Variants in GALNT16 observed in about 807,000 individuals in gnomAD.
GALNT16 encodes the protein UDP-GalNAc:polypeptide N-acetylgalactosaminyltransferase-like protein 1.
A neutral mutation model predicts 76.1 loss-of-function variants in GALNT16; 40 were observed. The observed-to-expected ratio is 0.53, with a 90% CI of 0.41 to 0.68. The LOEUF (loss-of-function observed/expected upper bound fraction) is 0.68, where lower values mean the gene tolerates loss of function less well. Ranked by LOEUF, GALNT16 falls within the 30% of genes least tolerant of loss-of-function variation. The pLI is 0.00. For synonymous variants in GALNT16, 276 were observed against 285.2 expected (o/e 0.97, Z 0.32); for missense variants, 621 against 731.9 (o/e 0.85, Z 1.75).
At chr14:69,364,040 T>C in the GALNT16 span, among the ~76,000 whole-genome samples, 251 of 152,266 alleles carry the variant, frequency 1.6e-3, 2 homozygotes, top group Middle Eastern at 6.8e-3. The surrounding 1 kb of genome is among the most constrained non-coding windows in gnomAD (Gnocchi z 4.2). Flanking sequence ...TGTACTCCAA[T>C]TGGATTGCAG....
chr14:69,337,213 C>A (rs534406069), intron 9 of GALNT16, among the ~76,000 whole-genome samples: 1 of 152,250 alleles, frequency 6.6e-6, no homozygotes, highest in African/African-American at 2.4e-5. Flanking sequence ...ACAATGTGAA[C>A]TTGATGCTGC....
intron 14 of GALNT16, chr14:69,348,412 A>G: frequency 3.1e-6 from 1 of 320,662 alleles, no homozygotes; most frequent in Non-Finnish European, 5.7e-6. Flanking sequence ...TCCATTTTAT[A>G]AGTGAGTAAG....
At chr14:69,325,914 C>T in intron 4 of GALNT16, 48 bp from the exon 5 acceptor site, 1 of 1,458,000 alleles carries the variant, frequency 6.9e-7, no homozygotes, top group South Asian at 1.1e-5. Context: ...CCACTAGTGG[C>T]CTGATGCCCA....
Position 69,273,156 on chromosome 14 carries a change from A to T in GALNT16, c.177+12689A>T, listed in dbSNP as rs181272245. ...GGGCTCTAGTCCTCATATCATCATT[A>T]AAAACAAGGTCAATATTTTGTGCAG... is the stretch of plus-strand genomic sequence containing the variant. On this transcript the variant is annotated intron_variant, in intron 1 of 14. Coordinates refer to ENST00000448469, the MANE Select transcript of GALNT16 (RefSeq NM_001168368.2). Among the ~76,000 whole-genome samples the T allele has an allele frequency of 6.6e-5, 10 of 152,378 alleles. No individual in the cohort carries two copies. The East Asian group carries it at 1.9e-3, about 29-fold the overall frequency.
At chr14:69,320,640 T>C (rs969672989) in intron 1 of GALNT16, 71 bp from the exon 2 acceptor site, 26 of 1,431,420 alleles carry the variant, frequency 1.8e-5, no homozygotes, top group Non-Finnish European at 2.4e-5. Context: ...CCGCCTGGTG[T>C]GTGCTGAGCA....
chr14:69,347,473 G>A (rs898458696), intron 13 of GALNT16, among the ~76,000 whole-genome samples: 2 of 152,182 alleles, frequency 1.3e-5, no homozygotes, highest in Non-Finnish European at 2.9e-5. Context: ...GACAGGCAAT[G>A]TCCAAGACTC....
chr14:69,380,673 G>A, the GALNT16 span: 2 of 1,283,998 alleles, frequency 1.6e-6, no homozygotes, highest in Non-Finnish European at 2.3e-6. Flanking sequence ...CAAAGTCACA[G>A]TGGTCAATCA....
intron 1 of GALNT16, among the ~76,000 whole-genome samples, chr14:69,300,691 C>T (rs944816875): frequency 2.2e-4 from 33 of 152,314 alleles, no homozygotes; most frequent in African/African-American, 7.7e-4. Flanking sequence ...GTCCCCTGTG[C>T]AATGACAGTT....
At chr14:69,317,993 T>A (rs1445767354) in intron 1 of GALNT16, among the ~76,000 whole-genome samples, 1 of 152,166 alleles carries the variant, frequency 6.6e-6, no homozygotes, top group African/African-American at 2.4e-5. Context: ...TCAGAGGTCA[T>A]GGAATTGTGG....
At chr14:69,374,906 T>A in the GALNT16 span, among the ~76,000 whole-genome samples, 2 of 152,122 alleles carry the variant, frequency 1.3e-5, no homozygotes, top group African/African-American at 4.8e-5. Flanking sequence ...CTCACTTTTA[T>A]GACAAGACCA....
chr14:69,333,421 T>C lies in GALNT16; in HGVS notation c.864-76T>C. On this transcript the variant is annotated intron_variant, in intron 8 of 14. Transcript: ENST00000448469. This position sits in a 1 kb window ranked among gnomAD's most constrained non-coding sequence, Gnocchi z 4.2. ...GGAGGGATCTAGAGGCAGACGGTCT[T>C]GGGTCCTGGGGCCATCTAAAGGGCC... 1.1e-6 allele frequency: 1 copy of C among 887,826 alleles called. No individual in the cohort carries two copies. Among genetic ancestry groups the C allele is most frequent in the Non-Finnish European group, 1.9e-6 (1 of 530,326 alleles). 55.0% of individuals were successfully genotyped at this position (887,826 alleles called of 1,614,324 possible). A position where few individuals can be genotyped will look rare whatever the true frequency, so the allele number is the denominator to read the frequency against.
intron 1 of GALNT16, among the ~76,000 whole-genome samples, chr14:69,297,781 A>G (rs1001406585): frequency 1.3e-5 from 2 of 152,180 alleles, no homozygotes; most frequent in Non-Finnish European, 2.9e-5. Flanking sequence ...TCTCTCAATT[A>G]TGTGTTCAGC....
At chr14:69,316,144 A>T (rs1283561227) in intron 1 of GALNT16, among the ~76,000 whole-genome samples, 4 of 152,160 alleles carry the variant, frequency 2.6e-5, no homozygotes, top group Non-Finnish European at 4.4e-5. Context: ...AGTGAATGAC[A>T]GTCCTGCCAG....
intron 1 of GALNT16, among the ~76,000 whole-genome samples, chr14:69,281,161 G>A (rs990782015): frequency 1.3e-5 from 2 of 152,132 alleles, no homozygotes; most frequent in African/African-American, 2.4e-5. Context: ...CTGGTCCATC[G>A]TGAGCACCTG....
intron 1 of GALNT16, among the ~76,000 whole-genome samples, chr14:69,311,818 T>C (rs182597245): frequency 5.2e-4 from 79 of 152,290 alleles, no homozygotes; most frequent in African/African-American, 1.8e-3. Context: ...CCGACCTCAG[T>C]TGGTGGGGCA....
At chr14:69,345,498 C>T (rs759391728) in intron 12 of GALNT16, among the ~76,000 whole-genome samples, 13 of 152,118 alleles carry the variant, frequency 8.5e-5, no homozygotes, top group Non-Finnish European at 1.9e-4. Context: ...CTTATAATGG[C>T]CCAACCCCCC....
chr14:69,263,005 G>A (rs1323114339), intron 1 of GALNT16, among the ~76,000 whole-genome samples: 1 of 151,486 alleles, frequency 6.6e-6, no homozygotes, highest in African/African-American at 2.4e-5. Flanking sequence ...TCAGCCTCTC[G>A]AGCAGCTGGG....
intron 1 of GALNT16, among the ~76,000 whole-genome samples, chr14:69,264,400 G>A (rs113776152): frequency 2.3e-4 from 35 of 152,246 alleles, no homozygotes; most frequent in African/African-American, 8.4e-4. Context: ...TAAATACATG[G>A]CTTTAAGGGG....
rs756418904 is a variant in GALNT16, at chr14:69,260,266, C to A, written c.-25C>A. ...CCGAGAGCACGCCGGCCCAGTCCCC[C>A]ACCTGGGGCGCCCGTCTGCCCACCA... On this transcript the variant is annotated 5_prime_UTR_variant, in exon 1 of 15. Coordinates refer to ENST00000448469, the MANE Select transcript of GALNT16 (RefSeq NM_001168368.2). 2.5e-6 allele frequency: 4 copies of A among 1,609,104 alleles called. No homozygotes were observed. Among genetic ancestry groups the A allele is most frequent in the South Asian group, 2.2e-5 (2 of 90,798 alleles).
Sources: gnomAD v4.1 joint callset for allele counts (sites outside exome capture counted in the v4.1 genomes callset) on GRCh38, gnomAD v4.1.1 for gene constraint, Gnocchi (gnomAD v3.1) non-coding constraint, MANE v1.5 for transcripts, NCBI Gene and HGNC (gene_info 2026-07-23, HGNC 2026-07-21) for gene names.